HSF5: variants seen among roughly 807,000 people sequenced by gnomAD.
HSF5 encodes the protein heat shock transcription factor 5.
A neutral mutation model predicts 50.8 loss-of-function variants in HSF5; 5 were observed. The ratio of observed to expected loss-of-function variants is 0.10; its 90% CI spans 0.05 to 0.21. The LOEUF (loss-of-function observed/expected upper bound fraction) is 0.21. Ranked by LOEUF, HSF5 falls within the 10% of genes least tolerant of loss-of-function variation. The pLI is 1.00. For missense variants in HSF5, 564 were observed against 762.6 expected, an observed-to-expected ratio of 0.74 and a Z score of 3.07; for synonymous variants, 307 against 307.4, an observed-to-expected ratio of 1.00 and a Z score of 0.02.
chr17:58,444,743 C>T (rs1189596695), intron 5 of HSF5, among the ~76,000 whole-genome samples: 4 of 152,146 alleles, frequency 2.6e-5, no homozygotes, highest in East Asian at 1.9e-4. Context: ...GATGGGACTA[C>T]ATCAAACTTA....
chr17:58,462,137 G>T (rs1206023752), intron 4 of HSF5, among the ~76,000 whole-genome samples: 1 of 152,138 alleles, frequency 6.6e-6, no homozygotes, highest in Admixed American at 6.5e-5. Flanking sequence ...CGTGCTATTT[G>T]ACTTTGTTTC....
chr17:58,476,527 T>C, intron 2 of HSF5: 1 of 1,322,808 alleles, frequency 7.6e-7, no homozygotes, highest in South Asian at 1.2e-5. Context: ...ATGAAATTCT[T>C]TGGACAGAAC....
chr17:58,425,291 G>A (rs976112166), intron 5 of HSF5, among the ~76,000 whole-genome samples: 7 of 151,896 alleles, frequency 4.6e-5, no homozygotes, highest in Non-Finnish European at 1.0e-4. Flanking sequence ...CCAGCTACTC[G>A]GGAGGCTGAG....
intron 5 of HSF5, among the ~76,000 whole-genome samples, chr17:58,422,936 T>A (rs756699522): frequency 3.0e-4 from 45 of 152,258 alleles, no homozygotes; most frequent in Non-Finnish European, 5.1e-4. Context: ...CCTCAAGTGA[T>A]CCACACACCT....
chr17:58,432,600 A>G (rs1217909818), intron 5 of HSF5, among the ~76,000 whole-genome samples: 1 of 152,206 alleles, frequency 6.6e-6, no homozygotes, highest in Non-Finnish European at 1.5e-5. Flanking sequence ...AGAAGGTGGT[A>G]GGGGATGAAG....
chr17:58,477,885 A>C (rs1378718238), intron 2 of HSF5, among the ~76,000 whole-genome samples: 1 of 152,026 alleles, frequency 6.6e-6, no homozygotes, highest in Non-Finnish European at 1.5e-5. Context: ...GGTCTAACAA[A>C]AGACCTCCAG....
In HSF5 at chr17:58,422,335, C is replaced by T; in HGVS notation, c.*25G>A. 1 of 1,577,486 alleles carries T rather than the reference C, an allele frequency of 6.3e-7. No homozygotes were observed. The highest frequency in any genetic ancestry group is 1.7e-5 in the Admixed American group (1 of 59,766). ...TCTGCCTCCAGCTACAGCTAGTGCA[C>T]AATGTCACATTTGTCATCCATTCCT... On this transcript the variant is annotated 3_prime_UTR_variant, in exon 6 of 6. Transcript: ENST00000323777.
intron 5 of HSF5, among the ~76,000 whole-genome samples, chr17:58,430,235 G>A (rs955294487): frequency 3.3e-5 from 5 of 152,010 alleles, no homozygotes; most frequent in South Asian, 2.1e-4. Context: ...CACCACACCC[G>A]GCTCATTTTT....
In HSF5 at chr17:58,458,778, T is replaced by G. The variant is rs778104647; in HGVS notation, c.1710A>C (p.Gly570=). Residue 570 remains glycine (G), a synonymous_variant, in exon 5 of 6, where the codon GGA becomes GGC. Coordinates refer to ENST00000323777, the MANE Select transcript of HSF5 (RefSeq NM_001080439.3). ...CACAATAATCCTTACCAGGGGACTTTCCTTGTTGTGAGTTGCTTCTGTGCT... is the reference window on the plus strand; with the variant it reads ...CACAATAATCCTTACCAGGGGACTTGCCTTGTTGTGAGTTGCTTCTGTGCT... The part of the protein sequence containing the change: ...YREHRSNSQQ[G]KSPDLHLLVD... 8.1e-6 allele frequency: 13 copies of G among 1,611,484 alleles called. No homozygotes were observed. Among genetic ancestry groups the G allele is most frequent in the African/African-American group, 1.3e-5 (1 of 74,934 alleles).
intron 5 of HSF5, among the ~76,000 whole-genome samples, chr17:58,431,547 G>T (rs183171956): frequency 6.6e-6 from 1 of 152,036 alleles, no homozygotes; most frequent in Non-Finnish European, 1.5e-5. Context: ...TCATTATGCC[G>T]TGCATGACCA....
intron 3 of HSF5, among the ~76,000 whole-genome samples, chr17:58,464,799 A>C (rs1974839272): frequency 6.6e-6 from 1 of 151,962 alleles, no homozygotes; most frequent in Non-Finnish European, 1.5e-5. Flanking sequence ...TGCCCAGCTA[A>C]TTTTTGTACT....
intron 5 of HSF5, among the ~76,000 whole-genome samples, chr17:58,446,052 G>A (rs756507158): frequency 2.0e-5 from 3 of 150,434 alleles, no homozygotes; most frequent in Non-Finnish European, 4.4e-5. Flanking sequence ...CAGAAGAATC[G>A]CTTGAACCCA....
intron 1 of HSF5, among the ~76,000 whole-genome samples, chr17:58,486,588 A>G (rs191107318): frequency 5.6e-4 from 85 of 152,330 alleles, no homozygotes; most frequent in Admixed American, 3.3e-3. Context: ...TTGTCTAATC[A>G]TACCCCTTTA....
At chr17:58,424,599 G>A (rs112163195) in intron 5 of HSF5, among the ~76,000 whole-genome samples, 84 of 144,958 alleles carry the variant, frequency 5.8e-4, no homozygotes, top group Middle Eastern at 4.1e-3. Context: ...GCGACAGAGT[G>A]AGACTCCGTC....
chr17:58,449,614 C>A (rs992083949), intron 5 of HSF5, among the ~76,000 whole-genome samples: 1 of 151,190 alleles, frequency 6.6e-6, no homozygotes, highest in East Asian at 1.9e-4. Context: ...GCACGAGAAT[C>A]GCTGGAACCT....
chr17:58,430,632 C>T (rs991888558), intron 5 of HSF5, among the ~76,000 whole-genome samples: 2 of 152,164 alleles, frequency 1.3e-5, no homozygotes, highest in Non-Finnish European at 2.9e-5. Context: ...GCCCCCTTGG[C>T]TCTTAGGCTC....
At chr17:58,459,508 G>A (rs890423815) in intron 4 of HSF5, among the ~76,000 whole-genome samples, 1 of 151,966 alleles carries the variant, frequency 6.6e-6, no homozygotes, top group Non-Finnish European at 1.5e-5. Flanking sequence ...TTAGCCGGGC[G>A]TGGTAGCAGG....
intron 2 of HSF5, among the ~76,000 whole-genome samples, chr17:58,473,127 C>A (rs1974971393): frequency 6.6e-6 from 1 of 152,122 alleles, no homozygotes; most frequent in Admixed American, 6.6e-5. Flanking sequence ...AAGCCCACAG[C>A]TTCCTAGCTG....
chr17:58,476,233 TTC>T, intron 2 of HSF5: 1 of 908,404 alleles, frequency 1.1e-6, no homozygotes, highest in Non-Finnish European at 1.8e-6. Context: ...TAATCCTTCC[TTC>T]TCTTCATCAT....
Sources: gnomAD v4.1 joint callset for allele counts (sites outside exome capture counted in the v4.1 genomes callset) on GRCh38, gnomAD v4.1.1 for gene constraint, MANE v1.5 for transcripts, NCBI Gene and HGNC (gene_info 2026-07-23, HGNC 2026-07-21) for gene names.